SUN1: variants seen among roughly 807,000 people sequenced by gnomAD.
SUN1 encodes SUN domain-containing protein 1.
In SUN1, 61 loss-of-function variants were observed where a neutral mutation model predicts 103.2. The ratio of observed to expected loss-of-function variants is 0.59; its 90% confidence interval spans 0.48 to 0.73. The LOEUF is 0.73. SUN1 is among the 30% of genes least tolerant of loss of function. The pLI, the probability that SUN1 is intolerant of heterozygous loss-of-function variation, is 0.00. For synonymous variants in SUN1, 490 were observed against 425.7 expected (o/e 1.15, Z -1.86); for missense variants, 1,052 against 1,034.6 (o/e 1.02, Z -0.23).
chr7:844,182 C>T (rs774949097), intron 5 of SUN1, among the ~76,000 whole-genome samples: 2 of 152,220 alleles, frequency 1.3e-5, no homozygotes, highest in Admixed American at 6.5e-5. Context: ...GGCTTCCAGG[C>T]GGGACTGGGA....
chr7:838,869 G>C lies in SUN1; in HGVS notation c.149G>C (p.Arg50Pro). The C allele has an allele frequency of 6.3e-7, 1 of 1,599,368 alleles. No homozygotes were observed. Among genetic ancestry groups the C allele is most frequent in the Non-Finnish European group, 8.5e-7 (1 of 1,173,234 alleles). Reference sequence around the variant, plus strand: ...TTGGACCCTGTATTTGATTCTCCACGGATGTCCCGCCGTAGTTTGCGCCTG... The same window carrying C: ...TTGGACCCTGTATTTGATTCTCCACCGATGTCCCGCCGTAGTTTGCGCCTG... ...HKLDPVFDSPRMSRRSLRLAT... is the reference protein window; with the variant it reads ...HKLDPVFDSPPMSRRSLRLAT... The change falls in exon 2 of 19, where the codon CGG (arginine) becomes CCG (proline). Residue 50 changes from arginine to proline, a missense_variant. Arg to Pro is a moderately radical substitution (Grantham distance 103). This residue lies in a region of SUN1 where 846 missense variants were observed against 774.5 expected (regional missense o/e 1.09). Transcript: ENST00000401592.
upstream of SUN1, among the ~76,000 whole-genome samples, chr7:832,254 T>G (rs916361138): frequency 6.6e-6 from 1 of 152,204 alleles, no homozygotes; most frequent in African/African-American, 2.4e-5. Context: ...GTCAGCCACT[T>G]TAGGGTTCCC....
At chr7:852,234 TA>T (rs1822895448) in intron 7 of SUN1, 191 bp downstream of exon 7, 3 of 643,254 alleles carry the variant, frequency 4.7e-6, no homozygotes, top group Non-Finnish European at 5.3e-6. Context: ...CAGATATCAT[TA>T]AGGAAAACAA....
chr7:821,249 A>G (rs1188611144), intron 1 of SUN1, among the ~76,000 whole-genome samples: 1 of 136,848 alleles, frequency 7.3e-6, no homozygotes, highest in Non-Finnish European at 1.5e-5. Flanking sequence ...GGCTCACTGC[A>G]ACCTCTGCCT....
At chr7:840,511 T>G (rs1272058230) in intron 2 of SUN1, among the ~76,000 whole-genome samples, 1 of 152,244 alleles carries the variant, frequency 6.6e-6, no homozygotes, top group Non-Finnish European at 1.5e-5. Flanking sequence ...AAGGGGAGGA[T>G]CTTGTTCATC....
Position 851,956 on chromosome 7 carries a change from C to A in SUN1, c.764C>A (p.Ala255Glu). 1.2e-6 allele frequency: 2 copies of A among 1,613,622 alleles called. No individual in the cohort carries two copies. The highest frequency in any genetic ancestry group is 1.7e-6 in the Non-Finnish European group (2 of 1,179,760). The change falls in exon 7 of 19, where the codon GCA becomes GAA. Residue 255 changes from alanine to glutamate, a missense_variant. By Grantham distance (107) the Ala-to-Glu change is moderately radical. This residue lies in a region of SUN1 where 846 missense variants were observed against 774.5 expected (regional missense o/e 1.09). Transcript: ENST00000401592. The stretch of plus-strand genomic sequence containing the variant: ...TTGGTGTTTTCTCTTGTAGGGAAGG[C>A]AGCCTCTGGAGTGTTCTGGTGGCTG... ...LWLAVVAPGKAASGVFWWLGI... is the reference protein window; with the variant it reads ...LWLAVVAPGKEASGVFWWLGI...
At chr7:843,814 A>G (rs1812494285) in intron 5 of SUN1, 2 of 1,411,678 alleles carry the variant, frequency 1.4e-6, no homozygotes, top group Non-Finnish European at 1.8e-6. Flanking sequence ...TCACTTTCAG[A>G]TGCACACCTT....
chr7:852,982 C>T, intron 9 of SUN1, 30 bp downstream of exon 9: 1 of 1,598,104 alleles, frequency 6.3e-7, no homozygotes, highest in Non-Finnish European at 8.5e-7. Context: ...TCTCAGCTGG[C>T]ACTGCACATG....
At chr7:840,507 A>G (rs1186002910) in intron 2 of SUN1, among the ~76,000 whole-genome samples, 1 of 152,128 alleles carries the variant, frequency 6.6e-6, no homozygotes, top group Non-Finnish European at 1.5e-5. Flanking sequence ...TTCGAAGGGG[A>G]GGATCTTGTT....
intron 17 of SUN1, among the ~76,000 whole-genome samples, chr7:870,040 CAAAAA>C (rs1185142510): frequency 1.1e-5 from 1 of 92,840 alleles, no homozygotes; most frequent in South Asian, 3.2e-4. Flanking sequence ...CTAAAATATA[CAAAAA>C]AAAAAAAAAA....
chr7:855,415 G>A (rs773737777), intron 11 of SUN1, among the ~76,000 whole-genome samples: 15 of 152,190 alleles, frequency 9.9e-5, no homozygotes, highest in Non-Finnish European at 1.6e-4. Context: ...TGGGAAGGCC[G>A]GGACCATTTG....
chr7:858,200 A>G (rs975127564), intron 13 of SUN1, among the ~76,000 whole-genome samples: 28 of 152,146 alleles, frequency 1.8e-4, no homozygotes, highest in African/African-American at 5.1e-4. Flanking sequence ...GACTACAGGC[A>G]TGTGCCACTA....
At position 856,386 on chromosome 7, in the gene SUN1, A is replaced by T. The variant is rs200496541; in HGVS notation, c.1379A>T (p.Lys460Met). ...EAIQKELEQT[K>M]QKTISAVGEQ... ...ATCCAGAAGGAACTAGAACAGACCA[A>T]GCAAAAAACAATCAGGTAGGAGGAT... Residue 460 changes from lysine (K) to methionine (M), a missense_variant, in exon 12 of 19, where the codon AAG becomes ATG. Physicochemically the swap from Lys to Met is moderately conservative, Grantham distance 95. Transcript: ENST00000401592. 3.7e-6 allele frequency: 6 copies of T among 1,614,164 alleles called. No individual in the cohort carries two copies. In the East Asian group the frequency reaches 1.3e-4, roughly 36 times the overall value.
chr7:849,590 T>C, intron 5 of SUN1: 2 of 1,448,578 alleles, frequency 1.4e-6, no homozygotes, highest in South Asian at 2.3e-5. Context: ...TCAGTGTAAA[T>C]GGGGAAGCGC....
intron 2 of SUN1, 105 bp downstream of exon 2, chr7:839,091 A>G: frequency 1.6e-6 from 2 of 1,236,112 alleles, no homozygotes; most frequent in South Asian, 1.6e-5. Context: ...GAGCTTAAGG[A>G]TATGTGTGTG....
intron 5 of SUN1, chr7:843,814 A>T: frequency 1.4e-6 from 2 of 1,411,678 alleles, no homozygotes; most frequent in Non-Finnish European, 1.8e-6. Flanking sequence ...TCACTTTCAG[A>T]TGCACACCTT....
At chr7:857,066 G>A (rs928848495) in intron 12 of SUN1, among the ~76,000 whole-genome samples, 2 of 152,186 alleles carry the variant, frequency 1.3e-5, no homozygotes, top group Admixed American at 6.5e-5. Flanking sequence ...CTTAAGTGGG[G>A]TGCTTGCCTC....
intron 3 of SUN1, chr7:842,389 T>A (rs1209558042): frequency 2.0e-6 from 1 of 504,618 alleles, no homozygotes; most frequent in Non-Finnish European, 3.6e-6. Context: ...GTCATTGGGT[T>A]ATGCTAACGT....
chr7:842,212 C>T, intron 3 of SUN1, 82 bp downstream of exon 3: 1 of 1,493,632 alleles, frequency 6.7e-7, no homozygotes, highest in Non-Finnish European at 9.1e-7. Context: ...GAGGCGGTGG[C>T]CAGGTTGTCG....
Sources: allele counts gnomAD v4.1 joint callset (sites outside exome capture counted in the v4.1 genomes callset), GRCh38; gene constraint gnomAD v4.1.1; regional missense constraint gnomAD v4.1.1; transcripts MANE v1.5; gene names NCBI Gene and HGNC (gene_info 2026-07-23, HGNC 2026-07-21).